The following ERC1 variants were observed in gnomAD, a reference collection of about 807,000 sequenced individuals.
ERC1 encodes ELKS/RAB6-interacting/CAST family member 1.
A neutral mutation model predicts 132.0 loss-of-function variants in ERC1; 56 were observed. The ratio of observed to expected loss-of-function variants is 0.42; its 90% CI spans 0.34 to 0.53. The LOEUF (loss-of-function observed/expected upper bound fraction) is 0.53. ERC1 is among the 20% of genes least tolerant of loss of function. The pLI is 0.03. For synonymous variants in ERC1, 478 were observed against 476.1 expected (o/e 1.00, Z -0.05); for missense variants, 1,202 against 1,349.9 (o/e 0.89, Z 1.72).
intron 15 of ERC1, among the ~76,000 whole-genome samples, chr12:1,303,766 C>A (rs2080607711): frequency 6.6e-6 from 1 of 151,898 alleles, no homozygotes; most frequent in South Asian, 2.1e-4. Context: ...ACCAGCCTGA[C>A]CAACATGGAG....
chr12:1,454,183 A>G (rs2093482379), intron 18 of ERC1, among the ~76,000 whole-genome samples: 1 of 152,224 alleles, frequency 6.6e-6, no homozygotes, highest in South Asian at 2.1e-4. Flanking sequence ...GGTTCCAGAT[A>G]GCCAGCCGAA....
intron 14 of ERC1, among the ~76,000 whole-genome samples, chr12:1,269,732 A>T (rs137940979): frequency 1.3e-5 from 2 of 152,200 alleles, no homozygotes; most frequent in Non-Finnish European, 2.9e-5. Context: ...CAAAAGGCAC[A>T]TGGGCACAGG....
intron 8 of ERC1, among the ~76,000 whole-genome samples, chr12:1,163,442 A>G (rs947326507): frequency 3.9e-5 from 6 of 152,228 alleles, no homozygotes; most frequent in Non-Finnish European, 8.8e-5. Flanking sequence ...TAAAACAACA[A>G]TAAAATGGAT....
intron 12 of ERC1, among the ~76,000 whole-genome samples, chr12:1,230,004 CTTTTTTT>C (rs754220477): frequency 9.3e-6 from 1 of 107,792 alleles, no homozygotes; most frequent in Non-Finnish European, 1.8e-5. Context: ...CTTTTTGACT[CTTTTTTT>C]TTTTTTTTTT....
intron 6 of ERC1, among the ~76,000 whole-genome samples, chr12:1,115,036 T>G (rs1182273916): frequency 1.3e-5 from 2 of 152,220 alleles, no homozygotes. Flanking sequence ...ACTTTTTGTT[T>G]CATCAGTGAC....
chr12:1,401,697 G>T (rs1591797954), intron 16 of ERC1, among the ~76,000 whole-genome samples: 1 of 147,232 alleles, frequency 6.8e-6, no homozygotes, highest in Non-Finnish European at 1.5e-5. Context: ...CACTTAGTAA[G>T]TATTCAGTAA....
chr12:1,306,361 G>A (rs889702150), intron 15 of ERC1, among the ~76,000 whole-genome samples: 11 of 152,180 alleles, frequency 7.2e-5, no homozygotes, highest in Admixed American at 2.0e-4. Context: ...TGCTCCACCC[G>A]TTAATACTGA....
intron 12 of ERC1, among the ~76,000 whole-genome samples, chr12:1,194,158 G>A (rs781064400): frequency 4.6e-5 from 7 of 152,236 alleles, no homozygotes; most frequent in Non-Finnish European, 1.0e-4. Flanking sequence ...AGTGGCTCAC[G>A]CCTGTAATCC....
At chr12:1,304,202 C>T (rs73031293) in intron 15 of ERC1, among the ~76,000 whole-genome samples, 2 of 152,030 alleles carry the variant, frequency 1.3e-5, no homozygotes, top group African/African-American at 4.8e-5. Flanking sequence ...GTGTAAATAC[C>T]ACTACAGTCA....
chr12:1,134,566 G>A (rs983424105), intron 7 of ERC1, among the ~76,000 whole-genome samples: 1 of 151,898 alleles, frequency 6.6e-6, no homozygotes, highest in Non-Finnish European at 1.5e-5. Flanking sequence ...TGCCCAGGGA[G>A]GTCTTGAACT....
chr12:1,093,112 C>T (rs1943462024), intron 3 of ERC1, among the ~76,000 whole-genome samples: 1 of 152,070 alleles, frequency 6.6e-6, no homozygotes, highest in Admixed American at 6.6e-5. Flanking sequence ...ATTAAAATGG[C>T]ATTTGTAGCT....
intron 8 of ERC1, among the ~76,000 whole-genome samples, chr12:1,171,053 A>T (rs1033382527): frequency 1.3e-5 from 2 of 152,162 alleles, no homozygotes; most frequent in African/African-American, 2.4e-5. Context: ...AATTTGCTCA[A>T]TGCCACGTAA....
At chr12:992,359 T>A (rs1959707871) in intron 1 of ERC1, among the ~76,000 whole-genome samples, 1 of 152,220 alleles carries the variant, frequency 6.6e-6, no homozygotes, top group Non-Finnish European at 1.5e-5. Context: ...TGGAGCTAAT[T>A]ATATGAAAAA....
intron 11 of ERC1, among the ~76,000 whole-genome samples, chr12:1,185,608 A>G (rs1470457459): frequency 6.6e-6 from 1 of 152,134 alleles, no homozygotes. Context: ...AAGTGTTGCC[A>G]GAAAGTCCCA....
intron 14 of ERC1, among the ~76,000 whole-genome samples, chr12:1,274,204 T>C (rs2078080690): frequency 6.6e-6 from 1 of 152,212 alleles, no homozygotes; most frequent in African/African-American, 2.4e-5. Flanking sequence ...TAAAAGTTTA[T>C]GTATCATCCA....
At chr12:1,363,238 G>A (rs2086305028) in intron 15 of ERC1, among the ~76,000 whole-genome samples, 2 of 152,080 alleles carry the variant, frequency 1.3e-5, no homozygotes, top group African/African-American at 4.8e-5. Context: ...CGAGTTTTTT[G>A]CCCATCTGAG....
intron 18 of ERC1, among the ~76,000 whole-genome samples, chr12:1,447,139 A>C (rs1031482493): frequency 6.6e-6 from 1 of 152,194 alleles, no homozygotes; most frequent in African/African-American, 2.4e-5. Flanking sequence ...ACTACAGTGC[A>C]ACCAAAAGCC....
chr12:1,094,415 C>CTTT (rs376475740), intron 3 of ERC1, among the ~76,000 whole-genome samples: 4 of 138,030 alleles, frequency 2.9e-5, no homozygotes, highest in East Asian at 2.2e-4. Context: ...CCTTCTCTCT[C>CTTT]TTTTTTTTTT....
intron 14 of ERC1, among the ~76,000 whole-genome samples, chr12:1,277,756 T>A (rs1050339069): frequency 1.3e-5 from 2 of 152,224 alleles, no homozygotes; most frequent in African/African-American, 4.8e-5. Context: ...GTTTGGTCAA[T>A]GCACAGATTG....
Sources: gnomAD v4.1 joint callset for allele counts (sites outside exome capture counted in the v4.1 genomes callset) on GRCh38, gnomAD v4.1.1 for gene constraint, MANE v1.5 for transcripts, NCBI Gene and HGNC (gene_info 2026-07-23, HGNC 2026-07-21) for gene names.